Variants in AUTS2 observed in about 807,000 individuals in gnomAD.
AUTS2 encodes the protein activator of transcription and developmental regulator AUTS2.
AUTS2 carries 17 observed loss-of-function variants against 112.4 expected under a neutral mutation model. That is an observed-to-expected ratio of 0.15 (90% CI 0.10 to 0.23). The LOEUF is 0.23. Ranked by LOEUF, AUTS2 falls within the 10% of genes least tolerant of loss-of-function variation. The pLI, the probability that AUTS2 is intolerant of heterozygous loss-of-function variation, is 1.00. For synonymous variants in AUTS2, 751 were observed against 702.7 expected (o/e 1.07, Z -1.09); for missense variants, 1,510 against 1,701.6 (o/e 0.89, Z 1.98).
chr7:70,260,331 A>G (rs1562829549), intron 4 of AUTS2, among the ~76,000 whole-genome samples: 1 of 151,824 alleles, frequency 6.6e-6, no homozygotes, highest in African/African-American at 2.4e-5. Context: ...ACGCCACTGT[A>G]CTCCTGCCTG....
chr7:70,782,889 G>A (rs534169576), intron 15 of AUTS2: 49 of 152,278 alleles, frequency 3.2e-4, no homozygotes, highest in African/African-American at 1.1e-3. Context: ...AAGCAAGTGC[G>A]TCCCCCTGGA....
chr7:70,618,906 T>G (rs1193134968), intron 5 of AUTS2, among the ~76,000 whole-genome samples: 2 of 152,246 alleles, frequency 1.3e-5, no homozygotes, highest in Non-Finnish European at 1.5e-5. Context: ...TTTGATCCTC[T>G]TCTCCACTGG....
intron 1 of AUTS2, among the ~76,000 whole-genome samples, chr7:69,689,568 C>T (rs1255486156): frequency 6.6e-5 from 10 of 151,042 alleles, no homozygotes; most frequent in Non-Finnish European, 1.5e-5. Context: ...TCTTGAACTC[C>T]TGACCTCGTG....
At chr7:69,608,943 G>A (rs1210560258) in intron 1 of AUTS2, among the ~76,000 whole-genome samples, 1 of 152,124 alleles carries the variant, frequency 6.6e-6, no homozygotes, top group Non-Finnish European at 1.5e-5. Context: ...TCTTTAGGAG[G>A]TATCCTAAAG....
rs1312973318 is a variant in AUTS2 at position 70,790,478 on chromosome 7, G to A, written c.3262G>A (p.Asp1088Asn). 6.2e-7 allele frequency: 1 copy of A among 1,612,332 alleles called. No individual in the cohort carries two copies. Among genetic ancestry groups the A allele is most frequent in the African/African-American group, 1.3e-5 (1 of 74,872 alleles). The change falls in exon 19 of 19, where the codon GAC becomes AAC. Residue 1088 changes from aspartate (D) to asparagine (N), a missense_variant. Asp to Asn is a conservative substitution (Grantham distance 23). Transcript: ENST00000342771. This position sits in a 1 kb window ranked among gnomAD's most constrained non-coding sequence, Gnocchi z 7.6. ...PYRELDIHRR[D>N]PLGRDFLLRN... ...CCGAGAACTTGACATTCACCGGAGAGACCCGCTGGGCAGGGACTTCCTGCT... is the reference window on the plus strand; with the variant it reads ...CCGAGAACTTGACATTCACCGGAGAAACCCGCTGGGCAGGGACTTCCTGCT...
intron 4 of AUTS2, among the ~76,000 whole-genome samples, chr7:70,327,682 A>G (rs1398398055): frequency 1.3e-5 from 2 of 152,324 alleles, no homozygotes; most frequent in Admixed American, 1.3e-4. Context: ...GGGCGTAATC[A>G]TCCCTCAAAA....
chr7:70,001,753 C>T (rs2129552791), intron 2 of AUTS2, among the ~76,000 whole-genome samples: 1 of 150,682 alleles, frequency 6.6e-6, no homozygotes, highest in Non-Finnish European at 1.5e-5. Flanking sequence ...ACTCTGCCAC[C>T]AGGCTGGAAT....
At chr7:70,568,881 A>G (rs919852552) in intron 5 of AUTS2, among the ~76,000 whole-genome samples, 3 of 152,234 alleles carry the variant, frequency 2.0e-5, no homozygotes, top group Non-Finnish European at 2.9e-5. Flanking sequence ...CCTCAGGGTT[A>G]CTTTCTGTGG....
At chr7:70,548,997 G>A (rs1048142435) in intron 5 of AUTS2, among the ~76,000 whole-genome samples, 1 of 150,472 alleles carries the variant, frequency 6.6e-6, no homozygotes, top group Non-Finnish European at 1.5e-5. Context: ...GTCAATTTGG[G>A]CAGAATTGCC....
intron 1 of AUTS2, among the ~76,000 whole-genome samples, chr7:69,752,711 G>A (rs2129271145): frequency 6.6e-6 from 1 of 152,254 alleles, no homozygotes; most frequent in Non-Finnish European, 1.5e-5. Flanking sequence ...GAGTTCTCTT[G>A]CTCTCTAGTT....
chr7:69,687,697 C>A (rs1452497435), intron 1 of AUTS2, among the ~76,000 whole-genome samples: 1 of 152,158 alleles, frequency 6.6e-6, no homozygotes, highest in East Asian at 1.9e-4. Context: ...CTTTCTCTCT[C>A]TTTCTTTTTA....
Position 69,933,742 on chromosome 7 carries a change from C to A in AUTS2, c.522+34244C>A, listed in dbSNP as rs538836495. ...TTGGTCTCAAACTCTTGGCCTCAAG[C>A]AGTCCTCCCACCTCAGCCTCCCAAA... On this transcript the variant is annotated intron_variant, in intron 2 of 18. Transcript: ENST00000342771. Among the ~76,000 whole-genome samples the A allele has an allele frequency of 1.2e-4, 18 of 152,244 alleles. No homozygotes were observed. The East Asian group carries it at 3.3e-3, about 28-fold the overall frequency.
chr7:69,973,326 T>A (rs1229007603), intron 2 of AUTS2, among the ~76,000 whole-genome samples: 1 of 152,236 alleles, frequency 6.6e-6, no homozygotes, highest in Non-Finnish European at 1.5e-5. Flanking sequence ...AGGAACTTAT[T>A]TGTAGTTCTT....
intron 4 of AUTS2, among the ~76,000 whole-genome samples, chr7:70,355,372 T>C (rs747883250): frequency 2.8e-4 from 43 of 152,058 alleles, no homozygotes; most frequent in Non-Finnish European, 4.3e-4. Flanking sequence ...AAAGCAGGGC[T>C]AATGACAGAA....
intron 2 of AUTS2, among the ~76,000 whole-genome samples, chr7:70,089,364 A>C (rs7780640): frequency 0.25 from 38,727 of 151,886 alleles, 4,922 homozygotes; most frequent in Middle Eastern, 0.33. Context: ...TGAATTGACT[A>C]CTTTATTATT....
At chr7:70,545,515 C>T (rs1800735757) in intron 5 of AUTS2, among the ~76,000 whole-genome samples, 1 of 152,218 alleles carries the variant, frequency 6.6e-6, no homozygotes, top group Non-Finnish European at 1.5e-5. Flanking sequence ...GATGGTGCTC[C>T]AGTGCACTGA....
intron 1 of AUTS2, among the ~76,000 whole-genome samples, chr7:69,878,344 T>C (rs1393580866): frequency 6.6e-6 from 1 of 152,198 alleles, no homozygotes; most frequent in Non-Finnish European, 1.5e-5. Context: ...TGCAGCTGTT[T>C]TATGACTGCA....
intron 1 of AUTS2, among the ~76,000 whole-genome samples, chr7:69,737,528 C>T (rs1475114130): frequency 6.6e-6 from 1 of 152,076 alleles, no homozygotes; most frequent in African/African-American, 2.4e-5. Flanking sequence ...CTGGTCTGCT[C>T]CTCATTCCCA....
At chr7:70,758,983 A>G (rs1563177358) in intron 6 of AUTS2, among the ~76,000 whole-genome samples, 1 of 152,206 alleles carries the variant, frequency 6.6e-6, no homozygotes, top group African/African-American at 2.4e-5. Flanking sequence ...TTACCAGCTC[A>G]AACTCATCAC....
Sources: allele counts gnomAD v4.1 joint callset (sites outside exome capture counted in the v4.1 genomes callset), GRCh38; gene constraint gnomAD v4.1.1; non-coding constraint Gnocchi (gnomAD v3.1); transcripts MANE v1.5; gene names NCBI Gene and HGNC (gene_info 2026-07-23, HGNC 2026-07-21).